The following TBCD variants were observed in gnomAD, a reference collection of about 807,000 sequenced individuals.
TBCD encodes the protein tubulin-specific chaperone D.
Under a neutral mutation model 169.3 loss-of-function variants are expected in TBCD, and 105 were observed. The observed-to-expected ratio is 0.62, with a 90% confidence interval of 0.53 to 0.73. The LOEUF is 0.73. Among genes scored for constraint, TBCD ranks in the 30% least tolerant of loss-of-function variants. The pLI, the probability that TBCD is intolerant of heterozygous loss-of-function variation, is 0.00. For synonymous variants in TBCD, 700 were observed against 643.9 expected (o/e 1.09, Z -1.32); for missense variants, 1,444 against 1,600.1 (o/e 0.90, Z 1.66).
chr17:82,830,420 G>T, intron 13 of TBCD: 1 of 1,611,722 alleles, frequency 6.2e-7, no homozygotes, highest in South Asian at 1.1e-5. Flanking sequence ...GCTGCCGTCT[G>T]CTTCTGCTCC....
At chr17:82,891,036 G>A (rs748157198) in intron 16 of TBCD, among the ~76,000 whole-genome samples, 2 of 152,254 alleles carry the variant, frequency 1.3e-5, no homozygotes, top group Non-Finnish European at 2.9e-5. Context: ...GGAGAGGGGC[G>A]TGCTGAGGCC....
chr17:82,831,956 C>T lies in TBCD; in HGVS notation c.1318+17022C>T, dbSNP rs374227498. 25 of 1,613,836 alleles carry T rather than the reference C, an allele frequency of 1.5e-5. No individual in the cohort carries two copies. The Admixed American group carries it at 1.8e-4, about 12-fold the overall frequency. On this transcript the variant is annotated intron_variant, in intron 13 of 38. Transcript: ENST00000355528. This position sits in a 1 kb window ranked among gnomAD's most constrained non-coding sequence, Gnocchi z 4.6. ...TTGTCTGGCCCCTTGAGTCTGTGCT[C>T]GCCGACTGGAACAAATGCAGAAGGC...
At chr17:82,819,166 G>C (rs1708357676) in intron 13 of TBCD, among the ~76,000 whole-genome samples, 1 of 152,272 alleles carries the variant, frequency 6.6e-6, no homozygotes, top group African/African-American at 2.4e-5. Context: ...TTGTCTTAGA[G>C]GAAATGTGGA....
chr17:82,860,128 AC>A (rs1338938800), intron 13 of TBCD, among the ~76,000 whole-genome samples: 1 of 152,184 alleles, frequency 6.6e-6, no homozygotes, highest in East Asian at 1.9e-4. Flanking sequence ...CTGGCCCCTG[AC>A]TTCCTGGTTA....
chr17:82,899,361 T>TGCGTCCCCAGC, intron 17 of TBCD, among the ~76,000 whole-genome samples: 1 of 149,736 alleles, frequency 6.7e-6, no homozygotes, highest in Admixed American at 6.6e-5. Context: ...GTGTCCGCAG[T>TGCGTCCCCAGC]GCGTCCTCAG....
chr17:82,931,717 C>T (rs1568082909), intron 33 of TBCD, among the ~76,000 whole-genome samples: 1 of 152,224 alleles, frequency 6.6e-6, no homozygotes. Flanking sequence ...GCCCAGCTCT[C>T]CTGTGTGTTA....
intron 14 of TBCD, among the ~76,000 whole-genome samples, chr17:82,882,862 G>A (rs748815574): frequency 2.0e-5 from 3 of 152,256 alleles, no homozygotes; most frequent in Non-Finnish European, 2.9e-5. Flanking sequence ...GGCAGGGCCG[G>A]CGCCTCACAC....
rs185744212 is a variant in TBCD at position 82,915,745 on chromosome 17, G to T, written c.2038+3956G>T. Reference sequence around the variant, plus strand: ...CACAGCCTTGCACCAGAGGCGTCACGAGAATCAGGAAAAGTTCTCCTCTCA... The same window carrying T: ...CACAGCCTTGCACCAGAGGCGTCACTAGAATCAGGAAAAGTTCTCCTCTCA... On this transcript the variant is annotated intron_variant, in intron 23 of 38. Coordinates refer to ENST00000355528, the MANE Select transcript of TBCD (RefSeq NM_005993.5). The surrounding 1 kb of genome is among the most constrained non-coding windows in gnomAD (Gnocchi z 4.3). Among the ~76,000 whole-genome samples, 5 of 152,312 alleles carry T rather than the reference G, an allele frequency of 3.3e-5. No homozygotes were observed. The highest frequency in any genetic ancestry group is 2.6e-4 in the Admixed American group (4 of 15,300).
chr17:82,838,717 C>T, intron 13 of TBCD: 2 of 985,406 alleles, frequency 2.0e-6, no homozygotes, highest in Non-Finnish European at 2.4e-6. Context: ...CTCAGGACAA[C>T]CAAGACCTGG....
At chr17:82,838,897 C>T (rs1445816214) in intron 13 of TBCD, 1 of 985,298 alleles carries the variant, frequency 1.0e-6, no homozygotes, top group Non-Finnish European at 1.2e-6. Context: ...GTCAGAAATG[C>T]TGGAAGGCCT....
intron 13 of TBCD, among the ~76,000 whole-genome samples, chr17:82,856,239 A>G (rs2056272117): frequency 6.6e-6 from 1 of 151,974 alleles, no homozygotes; most frequent in Non-Finnish European, 1.5e-5. Context: ...TACTCAACAT[A>G]CATCTAAAAT....
In TBCD at chr17:82,907,839, G is replaced by C; in HGVS notation, c.1983+18G>C. 2 of 1,612,104 alleles carry C rather than the reference G, an allele frequency of 1.2e-6. No homozygotes were observed. ...ACCAGCAGGTTTGTGTGCAGCCTCTGGGTGTACCCTCAGGAGGCATCACAG... is the reference window on the plus strand; with the variant it reads ...ACCAGCAGGTTTGTGTGCAGCCTCTCGGTGTACCCTCAGGAGGCATCACAG... On this transcript the variant is annotated intron_variant, in intron 21 of 38. Transcript: ENST00000355528.
At chr17:82,877,116 A>G in intron 14 of TBCD, 3 of 464,478 alleles carry the variant, frequency 6.5e-6, no homozygotes, top group Non-Finnish European at 8.5e-6. Context: ...GTGACCTTTC[A>G]GTAGTATTGG....
intron 23 of TBCD, among the ~76,000 whole-genome samples, chr17:82,916,705 T>G (rs549064960): frequency 1.4e-4 from 22 of 152,342 alleles, no homozygotes; most frequent in Non-Finnish European, 3.1e-4. Context: ...TGGCTTCTTT[T>G]GAGATTTTTA....
rs139550592 is a variant in TBCD at position 82,862,051 on chromosome 17, T to A, written c.1319-8173T>A. On this transcript the variant is annotated intron_variant, in intron 13 of 38. Transcript: ENST00000355528. Reference sequence around the variant, plus strand: ...CATTCTCCTGCCTCAGCCTCCTGAGTAGCTGGGACTACAGGCGCCCGCCAC... The same window carrying A: ...CATTCTCCTGCCTCAGCCTCCTGAGAAGCTGGGACTACAGGCGCCCGCCAC... 4.3e-3 allele frequency among the ~76,000 whole-genome samples: 652 copies of A among 151,958 alleles called. 3 individuals are homozygous for A. Among genetic ancestry groups the A allele is most frequent in the Middle Eastern group, 0.014 (4 of 290 alleles).
Position 82,832,899 on chromosome 17 carries a change from T to C in TBCD, c.1318+17965T>C, listed in dbSNP as rs74002542. Among the ~76,000 whole-genome samples the C allele has an allele frequency of 0.039, 5,969 of 152,192 alleles. 404 individuals are homozygous for C. Among genetic ancestry groups the C allele is most frequent in the African/African-American group, 0.13 (5,585 of 41,494 alleles). On this transcript the variant is annotated intron_variant, in intron 13 of 38. Coordinates refer to ENST00000355528, the MANE Select transcript of TBCD (RefSeq NM_005993.5). This position sits in a 1 kb window ranked among gnomAD's most constrained non-coding sequence, Gnocchi z 4.9. Reference sequence around the variant, plus strand: ...CTCGGGGCCTAGAGGTGGAGTGTGGTGTGTGGTGCGTTGAGTGTCTGTTCT... The same window carrying C: ...CTCGGGGCCTAGAGGTGGAGTGTGGCGTGTGGTGCGTTGAGTGTCTGTTCT...
chr17:82,844,542 C>CT (rs1304198955), intron 13 of TBCD, among the ~76,000 whole-genome samples: 1 of 152,052 alleles, frequency 6.6e-6, no homozygotes, highest in Admixed American at 6.5e-5. Context: ...CAGGGGGAGT[C>CT]TGAGTTGCCT....
rs528378279 is a variant in TBCD at position 82,868,145 on chromosome 17, G to A, written c.1319-2079G>A. On this transcript the variant is annotated intron_variant, in intron 13 of 38. Coordinates refer to ENST00000355528, the MANE Select transcript of TBCD (RefSeq NM_005993.5). ...AGTTGGGGCGGGCTCTGGGAATGGC[G>A]CGGTGTCTGGATGTGGAGGAGTGAG... 7.2e-5 allele frequency among the ~76,000 whole-genome samples: 11 copies of A among 152,306 alleles called. No homozygotes were observed. In the South Asian group the frequency reaches 1.7e-3, roughly 23 times the overall value.
chr17:82,795,130 T>C (rs1345590347), intron 7 of TBCD, among the ~76,000 whole-genome samples: 1 of 152,236 alleles, frequency 6.6e-6, no homozygotes, highest in Non-Finnish European at 1.5e-5. Context: ...CTACACTTCA[T>C]AGGAATTGAG....
Sources: gnomAD v4.1 joint callset for allele counts (sites outside exome capture counted in the v4.1 genomes callset) on GRCh38, gnomAD v4.1.1 for gene constraint, Gnocchi (gnomAD v3.1) non-coding constraint, MANE v1.5 for transcripts, NCBI Gene and HGNC (gene_info 2026-07-23, HGNC 2026-07-21) for gene names.